The following UNC13C variants were observed in gnomAD, a reference collection of about 807,000 sequenced individuals.
UNC13C encodes the protein protein unc-13 homolog C.
A neutral mutation model predicts 245.4 loss-of-function variants in UNC13C; 174 were observed. The observed-to-expected ratio is 0.71, with a 90% CI of 0.63 to 0.80. The LOEUF (loss-of-function observed/expected upper bound fraction) is 0.80, where lower values mean the gene tolerates loss of function less well. UNC13C is among the 30% of genes least tolerant of loss of function. UNC13C has a pLI of 0.00. For missense variants in UNC13C, 2,829 were observed against 2,602.9 expected (o/e 1.09, Z -1.89); for synonymous variants, 992 against 895.1 (o/e 1.11, Z -1.93).
chr15:54,582,489 T>C (rs1186803639), intron 30 of UNC13C, among the ~76,000 whole-genome samples: 1 of 152,158 alleles, frequency 6.6e-6, no homozygotes, highest in Non-Finnish European at 1.5e-5. Context: ...CTTTGCAAGT[T>C]CTGAGGAAGG....
At position 54,116,020 on chromosome 15, in the gene UNC13C, A is replaced by G. The variant is rs2030218405; in HGVS notation, c.2984-26998A>G. 2.6e-5 allele frequency among the ~76,000 whole-genome samples: 4 copies of G among 152,300 alleles called. No homozygotes were observed. In the South Asian group the frequency reaches 8.3e-4, roughly 32 times the overall value. Reference sequence around the variant, plus strand: ...AATTTTTTTAATTGAGATAAAATATACATATAAAATTTACCATCCACATCA... The same window carrying G: ...AATTTTTTTAATTGAGATAAAATATGCATATAAAATTTACCATCCACATCA... On this transcript the variant is annotated intron_variant, in intron 2 of 32. Transcript: ENST00000260323.
chr15:53,870,516 G>C, the UNC13C span, among the ~76,000 whole-genome samples: 1 of 151,260 alleles, frequency 6.6e-6, no homozygotes, highest in Non-Finnish European at 1.5e-5. Context: ...CAAGGCAGAA[G>C]AGTCCATGGC....
intron 4 of UNC13C, among the ~76,000 whole-genome samples, chr15:54,184,720 A>G (rs1226807963): frequency 4.6e-5 from 7 of 152,200 alleles, no homozygotes; most frequent in Non-Finnish European, 7.3e-5. Context: ...TAGTGCCGCA[A>G]TAAACATACA....
At chr15:54,206,933 A>T (rs909722198) in intron 4 of UNC13C, among the ~76,000 whole-genome samples, 17 of 152,110 alleles carry the variant, frequency 1.1e-4, no homozygotes, top group African/African-American at 4.1e-4. Context: ...AAAAGAAAGC[A>T]CTGTGCTGAG....
At chr15:54,363,668 T>A (rs1388542287) in intron 17 of UNC13C, among the ~76,000 whole-genome samples, 1 of 152,168 alleles carries the variant, frequency 6.6e-6, no homozygotes, top group Non-Finnish European at 1.5e-5. Context: ...AATTGAGAAC[T>A]AATTGGAGGG....
chr15:54,410,566 A>G (rs1163147160), intron 18 of UNC13C, among the ~76,000 whole-genome samples: 2 of 151,934 alleles, frequency 1.3e-5, no homozygotes, highest in Non-Finnish European at 2.9e-5. Context: ...TCCAGTTTCA[A>G]TCTTCTGCAC....
At chr15:54,117,235 CT>C (rs2030317770) in intron 2 of UNC13C, among the ~76,000 whole-genome samples, 9 of 152,160 alleles carry the variant, frequency 5.9e-5, no homozygotes, top group Admixed American at 5.9e-4. Context: ...TATCTCTTCA[CT>C]TTTTTGATTG....
intron 30 of UNC13C, among the ~76,000 whole-genome samples, chr15:54,600,724 A>C (rs2141271407): frequency 6.6e-6 from 1 of 152,244 alleles, no homozygotes; most frequent in South Asian, 2.1e-4. Context: ...ATCTTTGAAA[A>C]CAAAGCTTTC....
chr15:54,090,196 G>A (rs939943165), intron 2 of UNC13C, among the ~76,000 whole-genome samples: 1 of 152,052 alleles, frequency 6.6e-6, no homozygotes, highest in Non-Finnish European at 1.5e-5. Context: ...GATGTATTCT[G>A]TATAGACCTC....
At chr15:54,412,444 G>A (rs1432798746) in intron 18 of UNC13C, among the ~76,000 whole-genome samples, 1 of 152,190 alleles carries the variant, frequency 6.6e-6, no homozygotes, top group Non-Finnish European at 1.5e-5. Context: ...TAAGAGAACA[G>A]TATGGAGGAA....
chr15:54,182,955 C>A (rs1205569403), intron 4 of UNC13C, among the ~76,000 whole-genome samples: 1 of 151,914 alleles, frequency 6.6e-6, no homozygotes, highest in Admixed American at 6.6e-5. Flanking sequence ...ATGTTTCATT[C>A]ATTGTTCAGG....
intron 10 of UNC13C, among the ~76,000 whole-genome samples, chr15:54,285,426 A>C (rs1002911966): frequency 2.0e-5 from 3 of 152,240 alleles, no homozygotes; most frequent in African/African-American, 7.2e-5. Context: ...CAAGTGAGAT[A>C]CCGATATTGC....
At chr15:54,513,786 CCTTT>C in intron 24 of UNC13C, among the ~76,000 whole-genome samples, 1 of 138,520 alleles carries the variant, frequency 7.2e-6, no homozygotes, top group Non-Finnish European at 1.5e-5. Context: ...GTAATCTTCT[CCTTT>C]CTTTTTCTAA....
chr15:54,415,175 G>C, intron 19 of UNC13C, 108 bp downstream of exon 19: 1 of 801,860 alleles, frequency 1.2e-6, no homozygotes, highest in South Asian at 2.0e-5. Flanking sequence ...ACTGATTACT[G>C]TGATCAGTTT....
At chr15:54,452,890 C>T (rs1891258345) in intron 19 of UNC13C, among the ~76,000 whole-genome samples, 1 of 152,160 alleles carries the variant, frequency 6.6e-6, no homozygotes. Flanking sequence ...AGAGTTGCTG[C>T]CAGTGGCTCA....
chr15:53,977,941 G>T (rs938418134), upstream of UNC13C, among the ~76,000 whole-genome samples: 5 of 152,066 alleles, frequency 3.3e-5, no homozygotes, highest in African/African-American at 4.8e-5. Context: ...ACCTTCAAAT[G>T]GTTTTCCACA....
chr15:54,447,816 C>G (rs575628823), intron 19 of UNC13C, among the ~76,000 whole-genome samples: 9 of 152,286 alleles, frequency 5.9e-5, no homozygotes, highest in African/African-American at 2.2e-4. Flanking sequence ...CTTCTGCTAG[C>G]TTTTGAATGT....
At chr15:53,867,483 C>A in the UNC13C span, among the ~76,000 whole-genome samples, 1 of 152,166 alleles carries the variant, frequency 6.6e-6, no homozygotes, top group African/African-American at 2.4e-5. Context: ...GTGAAAGCCG[C>A]TTTACAACTT....
chr15:53,939,781 T>G, the UNC13C span, among the ~76,000 whole-genome samples: 1 of 151,368 alleles, frequency 6.6e-6, no homozygotes, highest in African/African-American at 2.4e-5. Flanking sequence ...TCAATAAAAT[T>G]TGTCATTGTA....
Sources: gnomAD v4.1 joint callset for allele counts (sites outside exome capture counted in the v4.1 genomes callset) on GRCh38, gnomAD v4.1.1 for gene constraint, MANE v1.5 for transcripts, NCBI Gene and HGNC (gene_info 2026-07-23, HGNC 2026-07-21) for gene names.